RREB1: variants seen among roughly 807,000 people sequenced by gnomAD.
RREB1 encodes the protein ras responsive element binding protein 1.
In RREB1, 27 loss-of-function variants were observed where a neutral mutation model predicts 117.8. The observed-to-expected ratio is 0.23, with a 90% CI of 0.17 to 0.32. The LOEUF is 0.32. Among genes scored for constraint, RREB1 ranks in the 10% least tolerant of loss-of-function variants. The pLI, the probability that RREB1 is intolerant of heterozygous loss-of-function variation, is 1.00. For missense variants in RREB1, 2,577 were observed against 2,378.2 expected (o/e 1.08, Z -1.74); for synonymous variants, 1,298 against 1,026.7 (o/e 1.26, Z -5.05).
chr6:7,178,744 C>G (rs1025191337), intron 2 of RREB1, among the ~76,000 whole-genome samples: 1 of 151,808 alleles, frequency 6.6e-6, no homozygotes, highest in East Asian at 1.9e-4. Flanking sequence ...AGATGAGTCT[C>G]TATTTTTTTT....
chr6:7,125,207 G>T (rs187774741), intron 1 of RREB1, among the ~76,000 whole-genome samples: 64 of 152,338 alleles, frequency 4.2e-4, no homozygotes, highest in African/African-American at 1.5e-3. Context: ...GAATTTGGGA[G>T]CCCTTATAGA....
At chr6:7,179,269 A>C (rs1289093094) in intron 2 of RREB1, among the ~76,000 whole-genome samples, 2 of 152,128 alleles carry the variant, frequency 1.3e-5, no homozygotes, top group African/African-American at 4.8e-5. Flanking sequence ...ACACATACAC[A>C]CACATTTTGT....
chr6:7,147,978 T>C (rs1275440247), intron 1 of RREB1, among the ~76,000 whole-genome samples: 2 of 152,200 alleles, frequency 1.3e-5, no homozygotes, highest in African/African-American at 4.8e-5. Context: ...ATTGTGGATA[T>C]AGCAGTTGAT....
At chr6:7,161,692 CT>C (rs1763672046) in intron 1 of RREB1, among the ~76,000 whole-genome samples, 1 of 152,172 alleles carries the variant, frequency 6.6e-6, no homozygotes, top group Non-Finnish European at 1.5e-5. Flanking sequence ...CTAAATCCTA[CT>C]TGATAACCAT....
At position 7,251,639 on chromosome 6, in the gene RREB1, G is replaced by C. The variant is rs1305119937; in HGVS notation, c.*2671G>C. Reference sequence around the variant, plus strand: ...GAAGCTACGTAACAGTCGGATGCCAGTTTTGGAAGATTCACCATGCGTTCT... The same window carrying C: ...GAAGCTACGTAACAGTCGGATGCCACTTTTGGAAGATTCACCATGCGTTCT... On this transcript the variant is annotated 3_prime_UTR_variant, in exon 13 of 13. Transcript: ENST00000379938. 6.6e-6 allele frequency: 1 copy of C among 152,176 alleles called. No individual in the cohort carries two copies. Among genetic ancestry groups the C allele is most frequent in the Non-Finnish European group, 1.5e-5 (1 of 68,010 alleles). 9.4% of individuals were successfully genotyped at this position (152,176 alleles called of 1,614,324 possible).
intron 1 of RREB1, among the ~76,000 whole-genome samples, chr6:7,117,265 C>T (rs1199252800): frequency 6.6e-6 from 1 of 151,094 alleles, no homozygotes; most frequent in Non-Finnish European, 1.5e-5. Flanking sequence ...TCTGAATATA[C>T]AAAATCAAAA....
intron 6 of RREB1, among the ~76,000 whole-genome samples, chr6:7,200,502 C>T (rs1288959801): frequency 2.6e-5 from 4 of 152,136 alleles, no homozygotes; most frequent in African/African-American, 9.7e-5. Context: ...CTCCTGACCT[C>T]AGGTGATCCG....
rs370663403 is a variant in RREB1, at chr6:7,248,720, C to T, written c.4981C>T (p.Pro1661Ser). ...CTCAGAGAACGAGGCTGAGCTGGCT[C>T]CCAATGCCAGCAACCACATGGCTGT... ...AVSENEAELA[P>S]NASNHMAVTR... The change falls in exon 13 of 13, where the codon CCC becomes TCC. Residue 1661 changes from proline to serine, a missense_variant. Pro to Ser is a moderately conservative substitution (Grantham distance 74). Transcript: ENST00000379938. 6.2e-7 allele frequency: 1 copy of T among 1,614,170 alleles called. No homozygotes were observed. The highest frequency in any genetic ancestry group is 8.5e-7 in the Non-Finnish European group (1 of 1,180,018).
rs34074532 is a variant in RREB1, at chr6:7,192,116, A to ATTTTTTTTT, written c.425+2813_425+2821dup. ...AAAAGGTATTGGATTTTGTCAGATG[A>ATTTTTTTTT]TTTTTTTTTTTTTTTTTTTTTTTTT... On this transcript the variant is annotated intron_variant, in intron 6 of 12. Transcript: ENST00000379938. 4.6e-4 allele frequency among the ~76,000 whole-genome samples: 7 copies of ATTTTTTTTT among 15,318 alleles called. 1 individual carries two copies. Among genetic ancestry groups the ATTTTTTTTT allele is most frequent in the East Asian group, 7.0e-3 (2 of 286 alleles). 10.0% of individuals were successfully genotyped at this position (15,318 alleles called of 152,430 possible). A position where few individuals can be genotyped will look rare whatever the true frequency, so the allele number is the denominator to read the frequency against.
At chr6:7,116,457 A>ATC (rs1761404209) in intron 1 of RREB1, among the ~76,000 whole-genome samples, 1 of 152,154 alleles carries the variant, frequency 6.6e-6, no homozygotes, top group Admixed American at 6.5e-5. Flanking sequence ...GTTGTAATTT[A>ATC]TCTCTTAACA....
chr6:7,133,936 C>A (rs1291485873), intron 1 of RREB1, among the ~76,000 whole-genome samples: 1 of 151,986 alleles, frequency 6.6e-6, no homozygotes, highest in Admixed American at 6.5e-5. Flanking sequence ...TGTCTTTATA[C>A]CATATGTTTT....
At position 7,248,687 on chromosome 6, in the gene RREB1, A is replaced by G. The variant is rs775351803; in HGVS notation, c.4948A>G (p.Asn1650Asp). ...GAATGAGTCCACCCACAGCGGCAAC[A>G]ACGCCGTCTCAGAGAACGAGGCTGA... ...SENESTHSGN[N>D]AVSENEAELA... Residue 1650 changes from asparagine to aspartate, a missense_variant, in exon 13 of 13, where the codon AAC becomes GAC. Physicochemically the swap from Asn to Asp is conservative, Grantham distance 23. Transcript: ENST00000379938. The G allele has an allele frequency of 1.2e-6, 2 of 1,614,182 alleles. No individual in the cohort carries two copies. The highest frequency in any genetic ancestry group is 1.1e-5 in the South Asian group (1 of 91,080).
chr6:7,230,357 C>G lies in RREB1; in HGVS notation c.2258C>G (p.Thr753Ser), dbSNP rs756501064. 1.4e-5 allele frequency: 23 copies of G among 1,591,826 alleles called. No homozygotes were observed. In the Admixed American group the frequency reaches 3.9e-4, roughly 27 times the overall value. ...ELVDAFCAPDTVCRLCGEDLK... is the reference protein window; with the variant it reads ...ELVDAFCAPDSVCRLCGEDLK... ...GTGGACGCCTTCTGCGCCCCGGACACCGTGTGCCGGCTGTGCGGCGAGGAC... is the reference window on the plus strand; with the variant it reads ...GTGGACGCCTTCTGCGCCCCGGACAGCGTGTGCCGGCTGTGCGGCGAGGAC... Residue 753 changes from threonine to serine, a missense_variant, in exon 10 of 13, where the codon ACC becomes AGC. Transcript: ENST00000379938.
At chr6:7,171,934 C>G (rs1764231144) in intron 1 of RREB1, among the ~76,000 whole-genome samples, 1 of 151,804 alleles carries the variant, frequency 6.6e-6, no homozygotes, top group African/African-American at 2.4e-5. Flanking sequence ...GGTTAAAGAG[C>G]CTGACCATTA....
At position 7,230,818 on chromosome 6, in the gene RREB1, C is replaced by T. The variant is rs1767902955; in HGVS notation, c.2719C>T (p.Leu907=). Reference sequence around the variant, plus strand: ...GCCCCTGGACTTCTCGCAGAAGGGCCTGGCCCTGGTCCAAGTGAAGCAGGA... The same window carrying T: ...GCCCCTGGACTTCTCGCAGAAGGGCTTGGCCCTGGTCCAAGTGAAGCAGGA... ...NEPLDFSQKG[L]ALVQVKQENI... Residue 907 remains leucine, a synonymous_variant, in exon 10 of 13, where the codon CTG becomes TTG. Coordinates refer to ENST00000379938, the MANE Select transcript of RREB1 (RefSeq NM_001003699.4). 2.5e-6 allele frequency: 4 copies of T among 1,614,136 alleles called. No homozygotes were observed. Among genetic ancestry groups the T allele is most frequent in the South Asian group, 2.2e-5 (2 of 91,092 alleles).
chr6:7,214,996 T>TG (rs1201331434), intron 8 of RREB1: 3 of 152,246 alleles, frequency 2.0e-5, no homozygotes, highest in African/African-American at 7.2e-5. Context: ...TAGGATCAGG[T>TG]GTTAGCTTCA....
At chr6:7,236,261 G>T (rs1008392543) in intron 10 of RREB1, among the ~76,000 whole-genome samples, 1 of 152,212 alleles carries the variant, frequency 6.6e-6, no homozygotes, top group African/African-American at 2.4e-5. Context: ...TTGTCCCACA[G>T]TGATGGGCTT....
intron 1 of RREB1, among the ~76,000 whole-genome samples, chr6:7,132,989 G>A (rs894658054): frequency 3.3e-5 from 5 of 152,180 alleles, no homozygotes; most frequent in African/African-American, 7.2e-5. Flanking sequence ...TATCCATCAA[G>A]CAATACAAGT....
At chr6:7,174,799 G>A (rs1764418940) in intron 1 of RREB1, among the ~76,000 whole-genome samples, 1 of 152,112 alleles carries the variant, frequency 6.6e-6, no homozygotes, top group Non-Finnish European at 1.5e-5. Flanking sequence ...AGTAGAGATG[G>A]GGTTTTGCCA....
Sources: allele counts gnomAD v4.1 joint callset (sites outside exome capture counted in the v4.1 genomes callset), GRCh38; gene constraint gnomAD v4.1.1; transcripts MANE v1.5; gene names NCBI Gene and HGNC (gene_info 2026-07-23, HGNC 2026-07-21).